The following MYO5B variants were observed in gnomAD, a reference collection of about 807,000 sequenced individuals.
The protein encoded by MYO5B is unconventional myosin-Vb.
In MYO5B, 143 loss-of-function variants were observed where a neutral mutation model predicts 229.3. That is an observed-to-expected ratio of 0.62 (90% CI 0.54 to 0.72). The LOEUF (loss-of-function observed/expected upper bound fraction) is 0.72. MYO5B is among the 30% of genes least tolerant of loss of function. The pLI is 0.00. For missense variants in MYO5B, 2,321 were observed against 2,331.0 expected (o/e 1.00, Z 0.09); for synonymous variants, 918 against 885.2 (o/e 1.04, Z -0.66).
chr18:49,948,724 C>T (rs968192882), intron 14 of MYO5B, among the ~76,000 whole-genome samples: 2 of 152,102 alleles, frequency 1.3e-5, no homozygotes, highest in African/African-American at 4.8e-5. Context: ...AAGCAATGGA[C>T]ATGTGTACTT....
At chr18:50,083,465 T>C (rs926687798) in intron 1 of MYO5B, among the ~76,000 whole-genome samples, 4 of 152,168 alleles carry the variant, frequency 2.6e-5, no homozygotes, top group African/African-American at 9.7e-5. Flanking sequence ...CCACCAGCCA[T>C]CTCAGTAGCA....
chr18:49,990,306 A>AGG, intron 7 of MYO5B, 133 bp downstream of exon 7: 1 of 728,786 alleles, frequency 1.4e-6, no homozygotes, highest in South Asian at 1.5e-5. Context: ...AGAGAGGCCT[A>AGG]GGGGTTATGG....
intron 21 of MYO5B, among the ~76,000 whole-genome samples, chr18:49,897,808 C>T (rs1598866388): frequency 6.6e-6 from 1 of 152,114 alleles, no homozygotes; most frequent in South Asian, 2.1e-4. Context: ...CAGGAGTGGA[C>T]AGTTTATAAA....
In MYO5B at chr18:50,172,948, C is replaced by T. The variant is rs1217797799; in HGVS notation, c.27+21819G>A. Among the ~76,000 whole-genome samples the T allele has an allele frequency of 9.2e-5, 14 of 152,320 alleles. No individual in the cohort carries two copies. The East Asian group carries it at 2.5e-3, about 27-fold the overall frequency. ...GCAAAGGCACTGAGGTGGCCAGACACCTGCACTGTTCAGTGAACAAAGAAG... is the reference window on the plus strand; with the variant it reads ...GCAAAGGCACTGAGGTGGCCAGACATCTGCACTGTTCAGTGAACAAAGAAG... On this transcript the variant is annotated intron_variant, in intron 1 of 39. Coordinates refer to ENST00000285039, the MANE Select transcript of MYO5B (RefSeq NM_001080467.3).
At chr18:49,834,436 T>C (rs555675917) in intron 39 of MYO5B, among the ~76,000 whole-genome samples, 2 of 152,304 alleles carry the variant, frequency 1.3e-5, no homozygotes, top group African/African-American at 4.8e-5. Flanking sequence ...TGGCCTGTTT[T>C]CTGAATCACT....
chr18:50,078,719 CAT>C (rs1413942335), intron 1 of MYO5B, among the ~76,000 whole-genome samples: 1 of 152,198 alleles, frequency 6.6e-6, no homozygotes, highest in African/African-American at 2.4e-5. Context: ...ACACCCATGA[CAT>C]AGCAATTCTC....
At chr18:50,041,056 G>A (rs1778767554) in intron 2 of MYO5B, among the ~76,000 whole-genome samples, 1 of 152,176 alleles carries the variant, frequency 6.6e-6, no homozygotes, top group Non-Finnish European at 1.5e-5. Context: ...TAGTGGGGAT[G>A]TTTTTAAACA....
chr18:50,155,158 T>G (rs1414750655), intron 1 of MYO5B, among the ~76,000 whole-genome samples: 1 of 152,170 alleles, frequency 6.6e-6, no homozygotes, highest in Non-Finnish European at 1.5e-5. Flanking sequence ...CCATAAATAG[T>G]AGCTGCAACC....
chr18:50,176,141 GAATAT>G (rs2032992963), intron 1 of MYO5B, among the ~76,000 whole-genome samples: 1 of 152,148 alleles, frequency 6.6e-6, no homozygotes. Context: ...ATTGAAATCA[GAATAT>G]ATTATCACGG....
chr18:49,935,198 G>T (rs78236122), intron 16 of MYO5B, among the ~76,000 whole-genome samples: 1 of 152,208 alleles, frequency 6.6e-6, no homozygotes, highest in Admixed American at 6.5e-5. Context: ...TAGACACTGG[G>T]AAGTGAAGGA....
intron 1 of MYO5B, among the ~76,000 whole-genome samples, chr18:50,066,535 AG>A (rs2144438627): frequency 6.6e-6 from 1 of 152,120 alleles, no homozygotes; most frequent in African/African-American, 2.4e-5. Flanking sequence ...TGAATGGAAA[AG>A]TTTAATGCTA....
At chr18:49,914,445 C>T (rs2024990289) in intron 17 of MYO5B, among the ~76,000 whole-genome samples, 2 of 152,114 alleles carry the variant, frequency 1.3e-5, no homozygotes, top group Non-Finnish European at 2.9e-5. Flanking sequence ...AGCACTTCTG[C>T]CTTTTAAGAG....
At chr18:50,073,248 C>A (rs1250103301) in intron 1 of MYO5B, among the ~76,000 whole-genome samples, 1 of 152,172 alleles carries the variant, frequency 6.6e-6, no homozygotes, top group South Asian at 2.1e-4. Flanking sequence ...TTATAAACCA[C>A]CATGAGGCAT....
chr18:50,103,907 C>G (rs1367727994), intron 1 of MYO5B, among the ~76,000 whole-genome samples: 2 of 151,188 alleles, frequency 1.3e-5, no homozygotes, highest in East Asian at 3.9e-4. Context: ...TCTGGGAACA[C>G]AGTTTACAAA....
intron 1 of MYO5B, among the ~76,000 whole-genome samples, chr18:50,083,592 A>T (rs140400189): frequency 6.6e-6 from 1 of 152,322 alleles, no homozygotes; most frequent in Non-Finnish European, 1.5e-5. Flanking sequence ...GCTGCATGTG[A>T]CACGTGGGCA....
At chr18:49,882,987 T>G (rs1464985147) in intron 22 of MYO5B, among the ~76,000 whole-genome samples, 1 of 152,132 alleles carries the variant, frequency 6.6e-6, no homozygotes, top group Admixed American at 6.5e-5. Context: ...AATCCTCAAC[T>G]AAATACTAGC....
intron 21 of MYO5B, among the ~76,000 whole-genome samples, chr18:49,897,691 T>C (rs2024794858): frequency 6.6e-6 from 1 of 152,220 alleles, no homozygotes; most frequent in African/African-American, 2.4e-5. Context: ...AAGTTAAAAG[T>C]ATTATTTATA....
chr18:49,872,304 G>A (rs2024464654), intron 26 of MYO5B, 72 bp from the exon 27 acceptor site: 1 of 1,507,592 alleles, frequency 6.6e-7, no homozygotes, highest in African/African-American at 1.4e-5. Flanking sequence ...TTCCAACTGT[G>A]GTCAAACTTG....
intron 22 of MYO5B, among the ~76,000 whole-genome samples, chr18:49,888,547 G>T (rs143183905): frequency 6.6e-6 from 1 of 152,188 alleles, no homozygotes; most frequent in Admixed American, 6.5e-5. Flanking sequence ...AGAGTTCTAC[G>T]TTGCCAAAAC....
Sources: allele counts gnomAD v4.1 joint callset (sites outside exome capture counted in the v4.1 genomes callset), GRCh38; gene constraint gnomAD v4.1.1; transcripts MANE v1.5; gene names NCBI Gene and HGNC (gene_info 2026-07-23, HGNC 2026-07-21).